The following ZNF740 variants were observed in gnomAD, a reference collection of about 807,000 sequenced individuals.
ZNF740 encodes the protein zinc finger protein 740.
Under a neutral mutation model 24.8 loss-of-function variants are expected in ZNF740, and 14 were observed. The ratio of observed to expected loss-of-function variants is 0.56; its 90% CI spans 0.37 to 0.88. ZNF740 has a LOEUF of 0.88. Ranked by LOEUF, ZNF740 falls within the 40% of genes least tolerant of loss-of-function variation. The pLI is 0.00. For missense variants in ZNF740, 201 were observed against 247.9 expected (o/e 0.81, Z 1.27); for synonymous variants, 69 against 84.0 (o/e 0.82, Z 0.98).
At position 53,180,735 on chromosome 12, in the gene ZNF740, G is replaced by C. The variant is rs1387880360; in HGVS notation, c.-410G>C. 2.4e-6 allele frequency: 3 copies of C among 1,263,558 alleles called. No homozygotes were observed. The highest frequency in any genetic ancestry group is 4.9e-5 in the Admixed American group (2 of 41,094). The allele number at this position is 1,263,558 out of a possible 1,614,324, so 78.3% of individuals were successfully genotyped here. A position where few individuals can be genotyped will look rare whatever the true frequency, so the allele number is the denominator to read the frequency against. ...GGGTTGGTGTTTGTAAACTTGCCTC[G>C]GTCCCGGTGGGGGCAGCCGCGGCGG... On this transcript the variant is annotated 5_prime_UTR_variant, in exon 1 of 7. Transcript: ENST00000416904.
chr12:53,182,972 CAT>C (rs1389543678), intron 2 of ZNF740, among the ~76,000 whole-genome samples: 2 of 152,220 alleles, frequency 1.3e-5, no homozygotes, highest in Non-Finnish European at 2.9e-5. Flanking sequence ...TATGTGCACA[CAT>C]CTCCAGAGCT....
chr12:53,181,531 T>C lies in ZNF740; in HGVS notation c.-307-146T>C, dbSNP rs1307465181. On this transcript the variant is annotated intron_variant, in intron 1 of 6. Coordinates refer to ENST00000416904, the MANE Select transcript of ZNF740 (RefSeq NM_001004304.4). ...TTGCCCAGGAGACCAGTTCCTCCTA[T>C]TGACCTAGAAAGAAAACTCTTCTTG... 5.1e-6 allele frequency: 5 copies of C among 986,128 alleles called. No individual in the cohort carries two copies. In the East Asian group the frequency reaches 3.4e-4, roughly 66 times the overall value. The allele number at this position is 986,128 out of a possible 1,614,324, so 61.1% of individuals were successfully genotyped here.
intron 6 of ZNF740, 23 bp from the exon 7 acceptor site, chr12:53,187,478 C>T (rs771556555): frequency 6.2e-7 from 1 of 1,610,504 alleles, no homozygotes; most frequent in South Asian, 1.1e-5. Context: ...TGCTCAGGCA[C>T]TTAACCCTCC....
At position 53,193,414 on chromosome 12, in the gene ZNF740, CT is replaced by C. The variant is rs1277437961; in HGVS notation, c.*5825del. 1.5e-6 allele frequency: 2 copies of C among 1,334,250 alleles called. No homozygotes were observed. The highest frequency in any genetic ancestry group is 2.7e-5 in the Admixed American group (1 of 37,024). The allele number at this position is 1,334,250 out of a possible 1,614,324, so 82.7% of individuals were successfully genotyped here. On this transcript the variant is annotated 3_prime_UTR_variant, in exon 7 of 7. Transcript: ENST00000416904. ...AGTAGGTCAGAGGGTTTGATCACCCCTGACTTGTCTCTCCCAGGAACCTCTA... is the reference window on the plus strand; with the variant it reads ...AGTAGGTCAGAGGGTTTGATCACCCCGACTTGTCTCTCCCAGGAACCTCTA...
Position 53,191,745 on chromosome 12 carries a change from G to A in ZNF740, c.*4155G>A, listed in dbSNP as rs1170316377. 6.6e-7 allele frequency: 1 copy of A among 1,523,282 alleles called. No individual in the cohort carries two copies. Among genetic ancestry groups the A allele is most frequent in the Admixed American group, 1.7e-5 (1 of 59,304 alleles). The allele number at this position is 1,523,282 out of a possible 1,614,324, so 94.4% of individuals were successfully genotyped here. A position where few individuals can be genotyped will look rare whatever the true frequency, so the allele number is the denominator to read the frequency against. ...GAATCCTAGGAGCTGATGGAAGTTA[G>A]CAGAGGGGTTGGTTACATGTGCCAG... On this transcript the variant is annotated 3_prime_UTR_variant, in exon 7 of 7. Transcript: ENST00000416904.
chr12:53,193,983 C>T lies in ZNF740; in HGVS notation c.*6393C>T. The T allele has an allele frequency of 7.2e-7, 1 of 1,396,490 alleles. No individual in the cohort carries two copies. The highest frequency in any genetic ancestry group is 9.9e-7 in the Non-Finnish European group (1 of 1,014,934). The allele number at this position is 1,396,490 out of a possible 1,614,324, so 86.5% of individuals were successfully genotyped here. A position where few individuals can be genotyped will look rare whatever the true frequency, so the allele number is the denominator to read the frequency against. ...AACTCACCAATCATCCAGAACCTCA[C>T]CCCTTAGTAAATGAAGGGATGGGGT... On this transcript the variant is annotated 3_prime_UTR_variant, in exon 7 of 7. Transcript: ENST00000416904.
chr12:53,194,565 C>T lies in ZNF740; in HGVS notation c.*6975C>T. ...AGGCCTCTAATACAGCATTTCAGTGCAGCTGCCAGCAAGGGCCACTGAGGG... is the reference window on the plus strand; with the variant it reads ...AGGCCTCTAATACAGCATTTCAGTGTAGCTGCCAGCAAGGGCCACTGAGGG... On this transcript the variant is annotated 3_prime_UTR_variant, in exon 7 of 7. Transcript: ENST00000416904. The T allele has an allele frequency of 2.0e-6, 1 of 489,504 alleles. No homozygotes were observed. 30.3% of individuals were successfully genotyped at this position (489,504 alleles called of 1,614,324 possible). A position where few individuals can be genotyped will look rare whatever the true frequency, so the allele number is the denominator to read the frequency against.
Position 53,194,778 on chromosome 12 carries a change from C to G in ZNF740, c.*7188C>G, listed in dbSNP as rs932413575. ...GAGATGCTCCCTGTTATCAAGAAGC[C>G]TACAGCCTAGTTGCAGAGGTAAGAC... is the stretch of plus-strand genomic sequence containing the variant. On this transcript the variant is annotated 3_prime_UTR_variant, in exon 7 of 7. Transcript: ENST00000416904. The G allele has an allele frequency of 1.7e-5, 3 of 177,306 alleles. No homozygotes were observed. The allele number at this position is 177,306 out of a possible 1,614,324, so 11.0% of individuals were successfully genotyped here.
chr12:53,185,161 C>G, intron 3 of ZNF740, 121 bp downstream of exon 3: 1 of 1,461,432 alleles, frequency 6.8e-7, no homozygotes. Flanking sequence ...GGGGATCCAA[C>G]TGGGGAATGG....
chr12:53,193,298 A>G lies in ZNF740; in HGVS notation c.*5708A>G. 6.2e-7 allele frequency: 1 copy of G among 1,612,032 alleles called. No individual in the cohort carries two copies. The highest frequency in any genetic ancestry group is 8.5e-7 in the Non-Finnish European group (1 of 1,178,408). On this transcript the variant is annotated 3_prime_UTR_variant, in exon 7 of 7. Coordinates refer to ENST00000416904, the MANE Select transcript of ZNF740 (RefSeq NM_001004304.4). ...ATTGGGAGCCCGGCACCCAGATTCC[A>G]GGTCTGGGGAGGACAGCTCTGCCAC...
rs748787438 is a variant in ZNF740 at position 53,192,297 on chromosome 12, C to A, written c.*4707C>A. On this transcript the variant is annotated 3_prime_UTR_variant, in exon 7 of 7. Transcript: ENST00000416904. Reference sequence around the variant, plus strand: ...CAGAGTTGAGACCCTGCCCATCAAACTTCCAGGGTTTGTGGCATCCCTGCC... The same window carrying A: ...CAGAGTTGAGACCCTGCCCATCAAAATTCCAGGGTTTGTGGCATCCCTGCC... 6 of 1,606,290 alleles carry A rather than the reference C, an allele frequency of 3.7e-6. No individual in the cohort carries two copies. The highest frequency in any genetic ancestry group is 2.2e-5 in the East Asian group (1 of 44,830).
chr12:53,186,456 C>T lies in ZNF740; in HGVS notation c.439C>T (p.His147Tyr). 1 of 1,592,244 alleles carries T rather than the reference C, an allele frequency of 6.3e-7. No homozygotes were observed. The highest frequency in any genetic ancestry group is 8.6e-7 in the Non-Finnish European group (1 of 1,168,786). The part of the protein sequence containing the change: ...RFIQKYHLER[H>Y]KRVHSGEKPY... ...CATCCAGAAGTACCACCTGGAACGC[C>T]ACAAGCGTGTGCACAGTGGTGAAAA... The change falls in exon 6 of 7, where the codon CAC (histidine) becomes TAC (tyrosine). Residue 147 changes from histidine (H) to tyrosine (Y), a missense_variant. Physicochemically the swap from His to Tyr is moderately conservative, Grantham distance 83. This residue lies in a region of ZNF740 where 60 missense variants were observed against 107.8 expected (regional missense o/e 0.56). Transcript: ENST00000416904.
Position 53,186,404 on chromosome 12 carries a change from T to G in ZNF740, c.387T>G (p.Phe129Leu). 3 of 1,580,018 alleles carry G rather than the reference T, an allele frequency of 1.9e-6. No homozygotes were observed. Among genetic ancestry groups the G allele is most frequent in the Non-Finnish European group, 2.6e-6 (3 of 1,162,152 alleles). Residue 129 changes from phenylalanine to leucine, a missense_variant, in exon 6 of 7, where the codon TTT (phenylalanine) becomes TTG (leucine). Physicochemically the swap from Phe to Leu is conservative, Grantham distance 22. Around this residue, in one of 3 missense-constraint regions of ZNF740, gnomAD observed 60 missense variants for 107.8 expected, o/e 0.56. Coordinates refer to ENST00000416904, the MANE Select transcript of ZNF740 (RefSeq NM_001004304.4). The part of the protein sequence containing the change: ...HILIHTGEKP[F>L]ECDICDMRFI... The stretch of plus-strand genomic sequence containing the variant: ...CACCTGGGCCAGGTGAGAAGCCATT[T>G]GAATGCGATATATGTGATATGCGTT...
At position 53,187,777 on chromosome 12, in the gene ZNF740, G is replaced by A. The variant is rs576791484; in HGVS notation, c.*187G>A. ...AACCTCAGCTCTGTAAATAATCTGA[G>A]ACTATGAGTATCTCGGGGAAGTTCT... On this transcript the variant is annotated 3_prime_UTR_variant, in exon 7 of 7. Transcript: ENST00000416904. 5.2e-6 allele frequency: 3 copies of A among 580,342 alleles called. No homozygotes were observed. The African/African-American group carries it at 5.6e-5, about 11-fold the overall frequency. 35.9% of individuals were successfully genotyped at this position (580,342 alleles called of 1,614,324 possible).
chr12:53,193,706 A>C lies in ZNF740; in HGVS notation c.*6116A>C. The C allele has an allele frequency of 6.2e-7, 1 of 1,608,118 alleles. No homozygotes were observed. Among genetic ancestry groups the C allele is most frequent in the South Asian group, 1.1e-5 (1 of 90,360 alleles). The stretch of plus-strand genomic sequence containing the variant: ...TGGTTGAAGGGAAGAGGAGGCCCTC[A>C]CCTGCATACACCACATTGTAGGTGT... On this transcript the variant is annotated 3_prime_UTR_variant, in exon 7 of 7. Coordinates refer to ENST00000416904, the MANE Select transcript of ZNF740 (RefSeq NM_001004304.4).
rs758175444 is a variant in ZNF740, at chr12:53,193,902, C to T, written c.*6312C>T. The stretch of plus-strand genomic sequence containing the variant: ...CTTGGAGAGAAACCCAGAAAGTCAC[C>T]TGAGAAGAGGCAGGAATCAGGCCAT... On this transcript the variant is annotated 3_prime_UTR_variant, in exon 7 of 7. Coordinates refer to ENST00000416904, the MANE Select transcript of ZNF740 (RefSeq NM_001004304.4). The T allele has an allele frequency of 6.2e-7, 1 of 1,610,928 alleles. No homozygotes were observed. Among genetic ancestry groups the T allele is most frequent in the South Asian group, 1.1e-5 (1 of 90,674 alleles).
At position 53,192,789 on chromosome 12, in the gene ZNF740, A is replaced by C. The variant is rs370437984; in HGVS notation, c.*5199A>C. On this transcript the variant is annotated 3_prime_UTR_variant, in exon 7 of 7. Coordinates refer to ENST00000416904, the MANE Select transcript of ZNF740 (RefSeq NM_001004304.4). ...GGCAGCGGTTGCATTTGCAGCGTCC[A>C]TGCCCACTGCAGAGCCCTCCCTCGG... 1 of 1,614,250 alleles carries C rather than the reference A, an allele frequency of 6.2e-7. No homozygotes were observed. Among genetic ancestry groups the C allele is most frequent in the East Asian group, 2.2e-5 (1 of 44,890 alleles).
intron 2 of ZNF740, among the ~76,000 whole-genome samples, chr12:53,183,804 G>GT (rs1231287700): frequency 6.6e-6 from 1 of 152,062 alleles, no homozygotes; most frequent in Non-Finnish European, 1.5e-5. Context: ...CTGGAGGATT[G>GT]TTTAAGCTCA....
At chr12:53,182,356 A>C (rs559315687) in intron 2 of ZNF740, among the ~76,000 whole-genome samples, 23 of 152,226 alleles carry the variant, frequency 1.5e-4, no homozygotes, top group African/African-American at 5.3e-4. Flanking sequence ...TGTTGCATGC[A>C]AGGCATTGTG....
Sources: gnomAD v4.1 joint callset for allele counts (sites outside exome capture counted in the v4.1 genomes callset) on GRCh38, gnomAD v4.1.1 for gene constraint, gnomAD v4.1.1 regional missense constraint, MANE v1.5 for transcripts, NCBI Gene and HGNC (gene_info 2026-07-23, HGNC 2026-07-21) for gene names.